The following PPIP5K2 variants were observed in gnomAD, a reference collection of about 807,000 sequenced individuals.
PPIP5K2 encodes the protein diphosphoinositol pentakisphosphate kinase 2, also known as inositol hexakisphosphate and diphosphoinositol-pentakisphosphate kinase 2.
PPIP5K2 carries 105 observed loss-of-function variants against 154.6 expected under a neutral mutation model. The ratio of observed to expected loss-of-function variants is 0.68; its 90% confidence interval spans 0.58 to 0.80. The LOEUF (loss-of-function observed/expected upper bound fraction) is 0.80. Ranked by LOEUF, PPIP5K2 falls within the 30% of genes least tolerant of loss-of-function variation. PPIP5K2 has a pLI of 0.00. For missense variants in PPIP5K2, 992 were observed against 1,504.6 expected (o/e 0.66, Z 5.64); for synonymous variants, 480 against 490.3 (o/e 0.98, Z 0.28).
intron 30 of PPIP5K2, among the ~76,000 whole-genome samples, chr5:103,200,714 C>G (rs570058611): frequency 6.6e-6 from 1 of 151,988 alleles, no homozygotes; most frequent in African/African-American, 2.4e-5. Context: ...TGGCTCACTG[C>G]AGCCTCAACC....
chr5:103,157,740 T>G (rs1260295961), intron 14 of PPIP5K2, among the ~76,000 whole-genome samples: 1 of 151,890 alleles, frequency 6.6e-6, no homozygotes, highest in Non-Finnish European at 1.5e-5. Context: ...TCTTCTTCAC[T>G]TCAACTAAGG....
At chr5:103,190,670 GC>G (rs1801094074) in intron 28 of PPIP5K2, among the ~76,000 whole-genome samples, 171 bp from the exon 29 acceptor site, 1 of 151,800 alleles carries the variant, frequency 6.6e-6, no homozygotes, top group African/African-American at 2.4e-5. Flanking sequence ...TCTTGTTCCA[GC>G]TCCATATTGC....
intron 23 of PPIP5K2, among the ~76,000 whole-genome samples, chr5:103,179,733 A>G (rs981341372): frequency 1.6e-4 from 24 of 152,190 alleles, no homozygotes; most frequent in African/African-American, 5.5e-4. Context: ...CTTGCACTTG[A>G]TGAAATGTAA....
At chr5:103,179,180 T>G (rs1799143613) in intron 23 of PPIP5K2, among the ~76,000 whole-genome samples, 1 of 151,988 alleles carries the variant, frequency 6.6e-6, no homozygotes, top group African/African-American at 2.4e-5. Flanking sequence ...GTTTTGGATA[T>G]CCCTTATTTG....
chr5:103,124,306 A>T (rs1554200048), intron 1 of PPIP5K2, among the ~76,000 whole-genome samples: 1 of 151,282 alleles, frequency 6.6e-6, no homozygotes, highest in Non-Finnish European at 1.5e-5. Context: ...CTCCTCTTGT[A>T]CTACGACATA....
In PPIP5K2 at chr5:103,152,653, T is replaced by C. The variant is rs782165874; in HGVS notation, c.1034T>C (p.Ile345Thr). The change falls in exon 10 of 31, where the codon ATT (isoleucine) becomes ACT (threonine). Residue 345 changes from isoleucine (I) to threonine (T), a missense_variant. Ile to Thr is a moderately conservative substitution (Grantham distance 89). This residue lies in a region of PPIP5K2 where 163 missense variants were observed against 285.2 expected (regional missense o/e 0.57). Transcript: ENST00000358359. ...TTTTCTTTTTTGTCTTGAAGAAATA[T>C]TGTAATGCGAGAACTTGCTCCACAA... is the stretch of plus-strand genomic sequence containing the variant. ...YDDCAKILGN[I>T]VMRELAPQFH... is the part of the protein sequence containing the mutation. The C allele has an allele frequency of 4.4e-6, 7 of 1,576,386 alleles. No individual in the cohort carries two copies. Among genetic ancestry groups the C allele is most frequent in the South Asian group, 1.1e-5 (1 of 89,554 alleles).
In PPIP5K2 at chr5:103,202,347, CTTTTG is replaced by C. The variant is rs1803145303; in HGVS notation, c.*720_*724del. On this transcript the variant is annotated 3_prime_UTR_variant, in exon 31 of 31. Transcript: ENST00000358359. ...CAAGGTGCCTTGTTCATCAGGAAAA[CTTTTG>C]TTTTGTATTTTGACAAGAAAGGCAC... 6.6e-6 allele frequency: 1 copy of C among 152,206 alleles called. No homozygotes were observed. Among genetic ancestry groups the C allele is most frequent in the African/African-American group, 2.4e-5 (1 of 41,394 alleles). The allele number at this position is 152,206 out of a possible 1,614,324, so 9.4% of individuals were successfully genotyped here. A position where few individuals can be genotyped will look rare whatever the true frequency, so the allele number is the denominator to read the frequency against.
intron 29 of PPIP5K2, among the ~76,000 whole-genome samples, chr5:103,194,475 C>T (rs1801749976): frequency 6.6e-6 from 1 of 152,142 alleles, no homozygotes; most frequent in Admixed American, 6.5e-5. Context: ...AATTTATCCT[C>T]CTAGTCCCTG....
In PPIP5K2 at chr5:103,120,379, GTC is replaced by G. The variant is rs1554198506; in HGVS notation, c.-390_-389del. Reference sequence around the variant, plus strand: ...GCCTACGTCCACGCCTACAACTGAAGTCTCTTGACAAACACCTCACCCCTGCC... The same window carrying G: ...GCCTACGTCCACGCCTACAACTGAAGTCTTGACAAACACCTCACCCCTGCC... On this transcript the variant is annotated 5_prime_UTR_variant, in exon 1 of 31. Transcript: ENST00000358359. The G allele has an allele frequency of 4.4e-6, 2 of 456,506 alleles. No homozygotes were observed. Among genetic ancestry groups the G allele is most frequent in the Admixed American group, 4.7e-5 (2 of 42,566 alleles). 28.3% of individuals were successfully genotyped at this position (456,506 alleles called of 1,614,324 possible). A position where few individuals can be genotyped will look rare whatever the true frequency, so the allele number is the denominator to read the frequency against.
chr5:103,155,944 A>G lies in PPIP5K2; in HGVS notation c.1439A>G (p.Gln480Arg), dbSNP rs782092240. The G allele has an allele frequency of 1.2e-6, 2 of 1,604,510 alleles. No individual in the cohort carries two copies. Among genetic ancestry groups the G allele is most frequent in the African/African-American group, 1.3e-5 (1 of 74,650 alleles). Residue 480 changes from glutamine to arginine, a missense_variant, in exon 14 of 31, where the codon CAG becomes CGG. By Grantham distance (43) the Gln-to-Arg change is conservative (BLOSUM62 1). Transcript: ENST00000358359. ...GHFSGINRKVQLTYLPHGCPK... is the reference protein window; with the variant it reads ...GHFSGINRKVRLTYLPHGCPK... Reference sequence around the variant, plus strand: ...TTTTCTGGAATAAATCGTAAGGTTCAGTTGACCTATCTCCCTCATGGTTGT... The same window carrying G: ...TTTTCTGGAATAAATCGTAAGGTTCGGTTGACCTATCTCCCTCATGGTTGT...
chr5:103,172,768 A>G lies in PPIP5K2; in HGVS notation c.2287-387A>G, dbSNP rs143536103. ...ATCTTTGACATTTGGAAAAACAGAA[A>G]TCTCAAGGTTTAATTTTTTTCATAT... is the stretch of plus-strand genomic sequence containing the variant. On this transcript the variant is annotated intron_variant, in intron 19 of 30. Coordinates refer to ENST00000358359, the MANE Select transcript of PPIP5K2 (RefSeq NM_001276277.3). Among the ~76,000 whole-genome samples the G allele has an allele frequency of 6.5e-3, 986 of 151,948 alleles. 6 individuals carry two copies. The highest frequency in any genetic ancestry group is 0.011 in the Non-Finnish European group (720 of 67,838).
rs1803845632 is a variant in PPIP5K2, at chr5:103,212,245, AAATAAAAT to A, written c.*10612_*10619del. ...GATAAGCCCTATAGGTCCATAAAAGAAATAAAATGCCAAAACATACCATGAGGACACTT... is the reference window on the plus strand; with the variant it reads ...GATAAGCCCTATAGGTCCATAAAAGAGCCAAAACATACCATGAGGACACTT... On this transcript the variant is annotated 3_prime_UTR_variant, in exon 31 of 31. Transcript: ENST00000358359. 6.6e-6 allele frequency: 1 copy of A among 152,538 alleles called. No individual in the cohort carries two copies. Among genetic ancestry groups the A allele is most frequent in the Admixed American group, 6.5e-5 (1 of 15,270 alleles). The allele number at this position is 152,538 out of a possible 1,614,324, so 9.4% of individuals were successfully genotyped here. A position where few individuals can be genotyped will look rare whatever the true frequency, so the allele number is the denominator to read the frequency against.
At chr5:103,132,841 T>C (rs1249988501) in intron 2 of PPIP5K2, among the ~76,000 whole-genome samples, 3 of 152,282 alleles carry the variant, frequency 2.0e-5, no homozygotes, top group Admixed American at 6.5e-5. Context: ...TTAGGCTGAA[T>C]TGTGGCCTTT....
Position 103,186,357 on chromosome 5 carries a change from C to T in PPIP5K2, c.3207C>T (p.Leu1069=), listed in dbSNP as rs199892120. Residue 1069 remains leucine (L), a synonymous_variant, in exon 27 of 31, where the codon CTC becomes CTT. Transcript: ENST00000358359. ...CGGGCCTGTTTAGCACCTCGGTGCTCGGGGGTTCTTCAAGCGCACCTAACC... is the reference window on the plus strand; with the variant it reads ...CGGGCCTGTTTAGCACCTCGGTGCTTGGGGGTTCTTCAAGCGCACCTAACC... ...HCAGLFSTSV[L]GGSSSAPNLQ... is the part of the protein sequence containing the mutation. 30 of 1,613,766 alleles carry T rather than the reference C, an allele frequency of 1.9e-5. No individual in the cohort carries two copies. The highest frequency in any genetic ancestry group is 2.5e-5 in the Non-Finnish European group (30 of 1,179,906).
At chr5:103,148,095 G>A (rs1282049856) in intron 7 of PPIP5K2, 63 bp downstream of exon 7, 17 of 1,171,292 alleles carry the variant, frequency 1.5e-5, no homozygotes, top group Non-Finnish European at 1.9e-5. Context: ...ATCAGAAAAA[G>A]TAGTTAATCT....
rs112482885 is a variant in PPIP5K2, at chr5:103,154,742, A to G, written c.1290A>G (p.Leu430=). The part of the protein sequence containing the change: ...GKLKLKKPKQ[L]QEVLDIARQL... The stretch of plus-strand genomic sequence containing the variant: ...TAAAACTCAAAAAACCAAAACAGTT[A>G]CAGGCAAGTGTATTTGCTTTCTTGT... Residue 430 remains leucine, a synonymous_variant, in exon 12 of 31, where the codon TTA becomes TTG. Transcript: ENST00000358359. The G allele has an allele frequency of 6.3e-7, 1 of 1,587,562 alleles. No homozygotes were observed.
intron 30 of PPIP5K2, among the ~76,000 whole-genome samples, chr5:103,197,659 T>A (rs537840585): frequency 1.5e-3 from 202 of 133,430 alleles, no homozygotes; most frequent in African/African-American, 5.4e-3. Context: ...CACTGCAACC[T>A]CCACCTCCCG....
At chr5:103,171,850 T>TC (rs1554219630) in intron 19 of PPIP5K2, among the ~76,000 whole-genome samples, 3 of 151,638 alleles carry the variant, frequency 2.0e-5, no homozygotes, top group Non-Finnish European at 4.4e-5. Flanking sequence ...CCTAATTTTT[T>TC]CCTTCATTTA....
chr5:103,146,055 G>A (rs547831726), intron 5 of PPIP5K2, among the ~76,000 whole-genome samples: 114 of 152,072 alleles, frequency 7.5e-4, no homozygotes, highest in Admixed American at 2.1e-3. Context: ...AAGATATAAA[G>A]TAATCATCAT....
Sources: gnomAD v4.1 joint callset for allele counts (sites outside exome capture counted in the v4.1 genomes callset) on GRCh38, gnomAD v4.1.1 for gene constraint, gnomAD v4.1.1 regional missense constraint, MANE v1.5 for transcripts, NCBI Gene and HGNC (gene_info 2026-07-23, HGNC 2026-07-21) for gene names.